GRAMD4: variants seen among roughly 807,000 people sequenced by gnomAD.
The protein encoded by GRAMD4 is GRAM domain-containing protein 4.
In GRAMD4, 25 loss-of-function variants were observed where a neutral mutation model predicts 83.9. The observed-to-expected ratio is 0.30, with a 90% CI of 0.22 to 0.42. The LOEUF (loss-of-function observed/expected upper bound fraction) is 0.42. Among genes scored for constraint, GRAMD4 ranks in the 10% least tolerant of loss-of-function variants. The pLI is 1.00. For missense variants in GRAMD4, 593 were observed against 788.7 expected (o/e 0.75, Z 2.97); for synonymous variants, 336 against 320.9 (o/e 1.05, Z -0.50).
chr22:46,670,204 C>T (rs1309373660), intron 13 of GRAMD4, among the ~76,000 whole-genome samples: 1 of 152,256 alleles, frequency 6.6e-6, no homozygotes, highest in African/African-American at 2.4e-5. Flanking sequence ...CCCCCTGCCA[C>T]GTTTCCTGAA....
chr22:46,682,282 T>C (rs757173446), downstream of GRAMD4: 11 of 285,270 alleles, frequency 3.9e-5, no homozygotes, highest in Admixed American at 1.3e-4. Context: ...TCTGCTCAAC[T>C]CTCTACCACA....
intron 2 of GRAMD4, among the ~76,000 whole-genome samples, chr22:46,631,466 C>T (rs2081776791): frequency 7.4e-6 from 1 of 135,332 alleles, no homozygotes; most frequent in East Asian, 2.2e-4. Flanking sequence ...TGGGTAGAAC[C>T]TCACGGCCTG....
intron 3 of GRAMD4, among the ~76,000 whole-genome samples, chr22:46,654,536 A>G (rs1421900568): frequency 6.6e-6 from 1 of 152,158 alleles, no homozygotes; most frequent in Non-Finnish European, 1.5e-5. Context: ...GGCTCGTGCC[A>G]CATGCAAGGT....
intron 4 of GRAMD4, 101 bp from the exon 5 acceptor site, chr22:46,661,280 T>C: frequency 1.2e-6 from 1 of 846,364 alleles, no homozygotes; most frequent in South Asian, 1.4e-5. Context: ...CCCTGACCTC[T>C]CCTGTGCAGT....
At chr22:46,623,450 C>T (rs761751500) in intron 1 of GRAMD4, among the ~76,000 whole-genome samples, 1 of 151,958 alleles carries the variant, frequency 6.6e-6, no homozygotes, top group Non-Finnish European at 1.5e-5. Context: ...TGCAGTGGTG[C>T]AGTCTCGGCT....
intron 1 of GRAMD4, among the ~76,000 whole-genome samples, chr22:46,623,521 GGGACGCTT>G (rs1159865186): frequency 6.6e-6 from 1 of 151,736 alleles, no homozygotes; most frequent in Non-Finnish European, 1.5e-5. Flanking sequence ...CTGAGTAGCT[GGGACGCTT>G]GGACTACAGG....
exon 1 of GRAMD4, chr22:46,577,208 G>C: frequency 1.2e-6 from 1 of 857,182 alleles, no homozygotes; most frequent in Non-Finnish European, 1.4e-6. Context: ...TCCCGGGCGG[G>C]CGGCAGGCGT....
At chr22:46,588,166 G>T (rs2081169785) in intron 1 of GRAMD4, among the ~76,000 whole-genome samples, 2 of 152,102 alleles carry the variant, frequency 1.3e-5, no homozygotes, top group Non-Finnish European at 2.9e-5. Context: ...GGATAGGCAG[G>T]CCCTGGGGGG....
At chr22:46,597,139 G>C (rs2081269686) in intron 1 of GRAMD4, among the ~76,000 whole-genome samples, 1 of 152,206 alleles carries the variant, frequency 6.6e-6, no homozygotes, top group African/African-American at 2.4e-5. Context: ...CAGCAGGAGC[G>C]AGAGGTTTCC....
rs1014142925 is a variant in GRAMD4 at position 46,679,327 on chromosome 22, T to C, written c.*2076T>C. ...TTTGTGGAGAAAGGGAGATGAAAAC[T>C]GACCACGTGCCAGGTGTGGCCGAAG... On this transcript the variant is annotated 3_prime_UTR_variant, in exon 19 of 19. Transcript: ENST00000406902. 7.1e-6 allele frequency: 7 copies of C among 985,164 alleles called. No homozygotes were observed. In the Admixed American group the frequency reaches 3.1e-4, roughly 43 times the overall value. The allele number at this position is 985,164 out of a possible 1,614,324, so 61.0% of individuals were successfully genotyped here. A position where few individuals can be genotyped will look rare whatever the true frequency, so the allele number is the denominator to read the frequency against.
chr22:46,648,947 G>GATGGATGGATGGATGCATGGATGC (rs1569288709), intron 3 of GRAMD4, among the ~76,000 whole-genome samples: 1 of 80,164 alleles, frequency 1.2e-5, no homozygotes, highest in African/African-American at 4.6e-5. Context: ...TGGATGGATG[G>GATGGATGGATGGATGCATGGATGC]ATGGATGGAT....
intron 1 of GRAMD4, among the ~76,000 whole-genome samples, chr22:46,595,496 C>G (rs1422433740): frequency 3.9e-5 from 6 of 152,232 alleles, no homozygotes; most frequent in Non-Finnish European, 4.4e-5. Flanking sequence ...GCCTGGTGGT[C>G]AGTATGGGCA....
chr22:46,645,188 T>A (rs866003657), intron 3 of GRAMD4, among the ~76,000 whole-genome samples: 6 of 152,050 alleles, frequency 3.9e-5, no homozygotes, highest in Admixed American at 2.6e-4. Context: ...GTCTTGGGTA[T>A]AGTGGGAGCT....
At chr22:46,611,787 G>T (rs909592339) in intron 1 of GRAMD4, among the ~76,000 whole-genome samples, 10 of 151,362 alleles carry the variant, frequency 6.6e-5, no homozygotes, top group African/African-American at 2.4e-4. Context: ...TCAGGAGATC[G>T]AGACCATCCT....
At chr22:46,592,877 C>G (rs1003656639) in intron 1 of GRAMD4, among the ~76,000 whole-genome samples, 1 of 152,142 alleles carries the variant, frequency 6.6e-6, no homozygotes, top group Non-Finnish European at 1.5e-5. Context: ...TAAAAAGAGC[C>G]TATATGACCT....
Position 46,621,783 on chromosome 22 carries a change from A to G in GRAMD4, c.-50+1218A>G, listed in dbSNP as rs945881652. Among the ~76,000 whole-genome samples, 26 of 152,268 alleles carry G rather than the reference A, an allele frequency of 1.7e-4. No individual in the cohort carries two copies. Among genetic ancestry groups the G allele is most frequent in the African/African-American group, 4.8e-4 (20 of 41,546 alleles). On this transcript the variant is annotated intron_variant, in intron 1 of 18. Transcript: ENST00000406902. This position sits in a 1 kb window ranked among gnomAD's most constrained non-coding sequence, Gnocchi z 5.8. ...CAGGCTGGAAGTGTAGCCCGGGCCCATCCCTGGTGGTGAAGGCTGGAAGGT... is the reference window on the plus strand; with the variant it reads ...CAGGCTGGAAGTGTAGCCCGGGCCCGTCCCTGGTGGTGAAGGCTGGAAGGT...
chr22:46,636,571 C>T (rs1569278685), intron 2 of GRAMD4, among the ~76,000 whole-genome samples: 1 of 152,252 alleles, frequency 6.6e-6, no homozygotes, highest in African/African-American at 2.4e-5. Context: ...CGGTGCTGCT[C>T]CGGGTGGCCT....
At chr22:46,628,933 C>A (rs1399853614) in intron 2 of GRAMD4, among the ~76,000 whole-genome samples, 1 of 151,858 alleles carries the variant, frequency 6.6e-6, no homozygotes, top group Non-Finnish European at 1.5e-5. Context: ...TGGTCTGGAC[C>A]AGCTCTGGTG....
intron 2 of GRAMD4, among the ~76,000 whole-genome samples, chr22:46,627,909 C>A (rs190563819): frequency 2.5e-4 from 38 of 152,306 alleles, no homozygotes; most frequent in Non-Finnish European, 4.0e-4. Context: ...CCCGGCCTGC[C>A]GGGATCGGCC....
Sources: gnomAD v4.1 joint callset for allele counts (sites outside exome capture counted in the v4.1 genomes callset) on GRCh38, gnomAD v4.1.1 for gene constraint, Gnocchi (gnomAD v3.1) non-coding constraint, MANE v1.5 for transcripts, NCBI Gene and HGNC (gene_info 2026-07-23, HGNC 2026-07-21) for gene names.